RABGEF1: variants seen among roughly 807,000 people sequenced by gnomAD.
The protein encoded by RABGEF1 is rab5 GDP/GTP exchange factor.
RABGEF1 carries 26 observed loss-of-function variants against 57.3 expected under a neutral mutation model. The observed-to-expected ratio is 0.45, with a 90% CI of 0.33 to 0.63. The LOEUF is 0.63. RABGEF1 is among the 20% of genes least tolerant of loss of function. The pLI is 0.02. For missense variants in RABGEF1, 464 were observed against 607.6 expected, an observed-to-expected ratio of 0.76 and a Z score of 2.48; for synonymous variants, 185 against 210.7, an observed-to-expected ratio of 0.88 and a Z score of 1.06.
intron 7 of RABGEF1, among the ~76,000 whole-genome samples, chr7:66,804,445 G>A (rs1010278348): frequency 1.3e-5 from 2 of 152,044 alleles, no homozygotes; most frequent in African/African-American, 4.8e-5. Context: ...GATTAGAAGT[G>A]TGGGCTTGGC....
rs754723870 is a variant in RABGEF1 at position 66,792,633 on chromosome 7, A to G, written c.514-2878A>G. On this transcript the variant is annotated intron_variant, in intron 4 of 8. Coordinates refer to ENST00000284957, the MANE Select transcript of RABGEF1 (RefSeq NM_014504.3). ...TCTCTGTCTCCTAAAGCTGTTTTCT[A>G]TAAAGAAATCCTTGAAAAGATGTTG... is the stretch of plus-strand genomic sequence containing the variant. Among the ~76,000 whole-genome samples, 6 of 152,324 alleles carry G rather than the reference A, an allele frequency of 3.9e-5. No individual in the cohort carries two copies. The South Asian group carries it at 8.3e-4, about 21-fold the overall frequency.
intron 4 of RABGEF1, among the ~76,000 whole-genome samples, chr7:66,785,879 G>GGA (rs1491290686): frequency 1.5e-5 from 2 of 133,826 alleles, no homozygotes; most frequent in Non-Finnish European, 3.5e-5. Context: ...ATCTGGGGGG[G>GGA]AAAAAAAAAA....
At chr7:66,801,790 C>A (rs1787343523) in intron 7 of RABGEF1, among the ~76,000 whole-genome samples, 1 of 152,222 alleles carries the variant, frequency 6.6e-6, no homozygotes, top group Non-Finnish European at 1.5e-5. Context: ...GACACCCTTT[C>A]CCATTTGGCT....
chr7:66,799,380 A>G lies in RABGEF1; in HGVS notation c.786A>G (p.Pro262=), dbSNP rs758896306. 2 of 1,612,514 alleles carry G rather than the reference A, an allele frequency of 1.2e-6. No homozygotes were observed. Among genetic ancestry groups the G allele is most frequent in the Non-Finnish European group, 8.5e-7 (1 of 1,178,492 alleles). Residue 262 remains proline, a synonymous_variant, in exon 7 of 9, where the codon CCA becomes CCG. Coordinates refer to ENST00000284957, the MANE Select transcript of RABGEF1 (RefSeq NM_014504.3). ...MLCVPVNEDI[P]EVSDMVVKAI... ...GTGTCCCTGTTAATGAAGACATCCC[A>G]GAAGTGTCTGATATGGTGGTGAAGG...
At chr7:66,799,971 GGTTT>G (rs1250291676) in intron 7 of RABGEF1, among the ~76,000 whole-genome samples, 1 of 152,022 alleles carries the variant, frequency 6.6e-6, no homozygotes, top group Non-Finnish European at 1.5e-5. Context: ...CTCCTAATAA[GGTTT>G]GTTTCTCATT....
the RABGEF1 span, among the ~76,000 whole-genome samples, chr7:66,674,195 T>C: frequency 4.6e-5 from 7 of 151,210 alleles, no homozygotes; most frequent in Admixed American, 1.3e-4. Context: ...CTAAAGGCTT[T>C]TTTTTTTTTT....
intron 8 of RABGEF1, among the ~76,000 whole-genome samples, chr7:66,805,932 A>G (rs1788343814): frequency 6.8e-6 from 1 of 147,726 alleles, no homozygotes; most frequent in South Asian, 2.2e-4. Context: ...TTTTTGAGAG[A>G]TGGGGTCTCG....
At chr7:66,739,657 C>CAA (rs10554809), upstream of RABGEF1, among the ~76,000 whole-genome samples, 2 of 80,400 alleles carry the variant, frequency 2.5e-5, no homozygotes, top group Non-Finnish European at 2.3e-5. Context: ...GTGAGAGTCT[C>CAA]AAAAAAAAAA....
At chr7:66,683,459 G>C (rs1377163867) in intron 1 of RABGEF1, among the ~76,000 whole-genome samples, 5 of 152,202 alleles carry the variant, frequency 3.3e-5, no homozygotes, top group Non-Finnish European at 7.3e-5. Flanking sequence ...TTTCCAATCA[G>C]TCAGTTTCTG....
intron 1 of RABGEF1, among the ~76,000 whole-genome samples, chr7:66,771,640 AT>A (rs1202330349): frequency 6.8e-6 from 1 of 147,736 alleles, no homozygotes; most frequent in Non-Finnish European, 1.5e-5. Flanking sequence ...TTAATTTTTT[AT>A]TTTTTATTTT....
intron 4 of RABGEF1, among the ~76,000 whole-genome samples, chr7:66,792,012 T>C (rs796537394): frequency 2.6e-5 from 4 of 151,342 alleles, no homozygotes; most frequent in African/African-American, 9.7e-5. Context: ...CTCGGGAGGC[T>C]GAGGCAGGAG....
chr7:66,693,258 C>G (rs1474284630), intron 1 of RABGEF1, among the ~76,000 whole-genome samples: 1 of 152,046 alleles, frequency 6.6e-6, no homozygotes, highest in Non-Finnish European at 1.5e-5. Flanking sequence ...CAATTGGAGA[C>G]TTCACAGTCA....
intron 1 of RABGEF1, among the ~76,000 whole-genome samples, chr7:66,708,629 C>T (rs1268643713): frequency 6.6e-6 from 1 of 152,062 alleles, no homozygotes; most frequent in African/African-American, 2.4e-5. Context: ...CATAGGGAGA[C>T]TCCATCTCTA....
Position 66,805,207 on chromosome 7 carries a change from G to A in RABGEF1, c.888G>A (p.Lys296=). 1 of 1,614,044 alleles carries A rather than the reference G, an allele frequency of 6.2e-7. No individual in the cohort carries two copies. Among genetic ancestry groups the A allele is most frequent in the South Asian group, 1.1e-5 (1 of 91,084 alleles). ...TGGCCTGCATCACCAAGTGCAGCAAGCACATCTTCAATGCCATCAAGATCA... is the reference window on the plus strand; with the variant it reads ...TGGCCTGCATCACCAAGTGCAGCAAACACATCTTCAATGCCATCAAGATCA... ...DKLACITKCS[K]HIFNAIKITK... The change falls in exon 8 of 9, where the codon AAG becomes AAA. Residue 296 remains lysine (K), a synonymous_variant. Transcript: ENST00000284957.
chr7:66,797,625 C>A, intron 6 of RABGEF1, 119 bp downstream of exon 6: 1 of 1,151,750 alleles, frequency 8.7e-7, no homozygotes, highest in Non-Finnish European at 1.2e-6. Flanking sequence ...CATGTTCCTG[C>A]TTCCTTAGAG....
intron 8 of RABGEF1, among the ~76,000 whole-genome samples, chr7:66,808,311 G>C (rs1788888598): frequency 6.6e-6 from 1 of 151,900 alleles, no homozygotes; most frequent in Admixed American, 6.6e-5. Context: ...CGCCTCCCAG[G>C]TTCAAGCAAT....
intron 1 of RABGEF1, chr7:66,755,903 T>C: frequency 3.7e-6 from 2 of 545,158 alleles, no homozygotes; most frequent in Non-Finnish European, 6.2e-6. Flanking sequence ...TTGTCCAAGC[T>C]AACGTTTGGA....
At chr7:66,692,254 T>C (rs1386018618) in intron 1 of RABGEF1, among the ~76,000 whole-genome samples, 3 of 152,204 alleles carry the variant, frequency 2.0e-5, no homozygotes, top group Non-Finnish European at 4.4e-5. Flanking sequence ...GGAAGGTCCC[T>C]TGGGCACTGG....
intron 1 of RABGEF1, among the ~76,000 whole-genome samples, chr7:66,682,547 C>T (rs950199323): frequency 6.6e-6 from 1 of 152,224 alleles, no homozygotes; most frequent in African/African-American, 2.4e-5. Context: ...CACTTCCTGG[C>T]CGCCTCCCTG....
Sources: allele counts gnomAD v4.1 joint callset (sites outside exome capture counted in the v4.1 genomes callset), GRCh38; gene constraint gnomAD v4.1.1; transcripts MANE v1.5; gene names NCBI Gene and HGNC (gene_info 2026-07-23, HGNC 2026-07-21).